The following GRIN2A variants were observed in gnomAD, a reference collection of about 807,000 sequenced individuals.
GRIN2A encodes the protein glutamate ionotropic receptor NMDA type subunit 2A.
A neutral mutation model predicts 113.4 loss-of-function variants in GRIN2A; 22 were observed. The ratio of observed to expected loss-of-function variants is 0.19; its 90% CI spans 0.14 to 0.28. GRIN2A has a LOEUF of 0.28. GRIN2A is among the 10% of genes least tolerant of loss of function. GRIN2A has a pLI of 1.00. For missense variants in GRIN2A, 1,502 were observed against 1,887.0 expected (o/e 0.80, Z 3.78); for synonymous variants, 827 against 738.4 (o/e 1.12, Z -1.94).
chr16:9,850,168 C>A (rs1019690033), intron 4 of GRIN2A, among the ~76,000 whole-genome samples: 1 of 152,182 alleles, frequency 6.6e-6, no homozygotes, highest in Admixed American at 6.5e-5. Flanking sequence ...CCGCCCTCAT[C>A]CCCAGAGGAA....
chr16:9,754,176 A>G lies in GRIN2A; in HGVS notation c.*8973T>C, dbSNP rs1273584951. ...ATATATATACTATACATAAACATAT[A>G]CACATAAACATTCTGGGGTGATATA... On this transcript the variant is annotated 3_prime_UTR_variant, in exon 13 of 13. Transcript: ENST00000330684. The G allele has an allele frequency of 1.1e-5, 2 of 187,264 alleles. No individual in the cohort carries two copies. 11.6% of individuals were successfully genotyped at this position (187,264 alleles called of 1,614,324 possible).
At chr16:9,904,138 C>T (rs968884060) in intron 3 of GRIN2A, among the ~76,000 whole-genome samples, 1 of 152,174 alleles carries the variant, frequency 6.6e-6, no homozygotes, top group East Asian at 1.9e-4. Context: ...GGGGTAAGGC[C>T]GCTGTTTTCA....
intron 2 of GRIN2A, among the ~76,000 whole-genome samples, chr16:10,083,951 A>C (rs574380421): frequency 6.6e-6 from 1 of 152,230 alleles, no homozygotes; most frequent in Admixed American, 6.5e-5. Flanking sequence ...AAAAATACAA[A>C]TATGAGCCAG....
At chr16:9,823,319 G>T (rs1029656559) in intron 9 of GRIN2A, among the ~76,000 whole-genome samples, 1 of 152,124 alleles carries the variant, frequency 6.6e-6, no homozygotes, top group African/African-American at 2.4e-5. Flanking sequence ...TGGAAAATTG[G>T]GTTCTATCAC....
chr16:9,806,244 C>T (rs1005477033), intron 10 of GRIN2A, among the ~76,000 whole-genome samples: 6 of 152,156 alleles, frequency 3.9e-5, no homozygotes, highest in Non-Finnish European at 8.8e-5. Context: ...TTTATAACTT[C>T]TGCCATTTTG....
At chr16:10,092,244 C>T (rs1473434312) in intron 2 of GRIN2A, among the ~76,000 whole-genome samples, 1 of 152,140 alleles carries the variant, frequency 6.6e-6, no homozygotes. Context: ...GGCATAAACA[C>T]CATAATTACA....
intron 4 of GRIN2A, among the ~76,000 whole-genome samples, chr16:9,885,628 G>A (rs917720175): frequency 3.9e-5 from 6 of 152,152 alleles, no homozygotes; most frequent in Admixed American, 1.3e-4. Context: ...GGCTGACCTC[G>A]GAGATGAAAA....
rs1900551696 is a variant in GRIN2A at position 9,760,821 on chromosome 16, T to A, written c.*2328A>T. On this transcript the variant is annotated 3_prime_UTR_variant, in exon 13 of 13. Transcript: ENST00000330684. ...TTCATGTCAAAACATCCCAGACTCA[T>A]GAGGAAATGGAGGCGATCCTTGCTG... 1 of 231,046 alleles carries A rather than the reference T, an allele frequency of 4.3e-6. No individual in the cohort carries two copies. Among genetic ancestry groups the A allele is most frequent in the East Asian group, 6.1e-5 (1 of 16,336 alleles). 14.3% of individuals were successfully genotyped at this position (231,046 alleles called of 1,614,324 possible).
chr16:9,888,050 T>A (rs1443900380), intron 4 of GRIN2A, among the ~76,000 whole-genome samples: 4 of 152,178 alleles, frequency 2.6e-5, no homozygotes, highest in African/African-American at 9.6e-5. Context: ...AAGTGATTCT[T>A]GTGCCTCAGC....
At chr16:10,137,969 G>A (rs970336436) in intron 2 of GRIN2A, among the ~76,000 whole-genome samples, 2 of 152,222 alleles carry the variant, frequency 1.3e-5, no homozygotes, top group Non-Finnish European at 2.9e-5. Context: ...TGGGATGACA[G>A]AAAGAACCTT....
chr16:9,960,215 C>T (rs572157168), intron 2 of GRIN2A, among the ~76,000 whole-genome samples: 1 of 152,262 alleles, frequency 6.6e-6, no homozygotes, highest in South Asian at 2.1e-4. Flanking sequence ...TGAATAAATA[C>T]TGAATGAACT....
chr16:9,918,498 A>G (rs1412339527), intron 3 of GRIN2A, among the ~76,000 whole-genome samples: 1 of 152,214 alleles, frequency 6.6e-6, no homozygotes, highest in Non-Finnish European at 1.5e-5. Flanking sequence ...ATTGTATATA[A>G]TATTTTCAGA....
At chr16:9,857,852 C>T (rs1321823535) in intron 4 of GRIN2A, among the ~76,000 whole-genome samples, 1 of 152,218 alleles carries the variant, frequency 6.6e-6, no homozygotes, top group African/African-American at 2.4e-5. Context: ...TTTCTCGATA[C>T]TAACTTTAGT....
At chr16:10,078,873 C>T (rs1013661795) in intron 2 of GRIN2A, among the ~76,000 whole-genome samples, 1 of 152,220 alleles carries the variant, frequency 6.6e-6, no homozygotes, top group Non-Finnish European at 1.5e-5. Context: ...TGACTGACTG[C>T]CTGCCACATC....
At chr16:10,133,391 T>C (rs1191665588) in intron 2 of GRIN2A, among the ~76,000 whole-genome samples, 1 of 152,180 alleles carries the variant, frequency 6.6e-6, no homozygotes, top group Non-Finnish European at 1.5e-5. Context: ...GTGGATCACC[T>C]GAGGTCAGGA....
At chr16:9,992,361 T>A (rs1286428620) in intron 2 of GRIN2A, among the ~76,000 whole-genome samples, 1 of 152,178 alleles carries the variant, frequency 6.6e-6, no homozygotes, top group African/African-American at 2.4e-5. Flanking sequence ...CATGTGAAGA[T>A]GGAACAGGGA....
intron 3 of GRIN2A, among the ~76,000 whole-genome samples, chr16:9,908,669 A>C (rs997444103): frequency 6.6e-6 from 1 of 152,202 alleles, no homozygotes; most frequent in African/African-American, 2.4e-5. Flanking sequence ...TACACTTGAT[A>C]ATGAAACAAA....
intron 2 of GRIN2A, among the ~76,000 whole-genome samples, chr16:10,064,307 C>T (rs894880798): frequency 6.6e-6 from 1 of 152,162 alleles, no homozygotes; most frequent in Non-Finnish European, 1.5e-5. Flanking sequence ...GTCCCAGGCA[C>T]CTCACTTCGT....
chr16:10,144,852 C>T lies in GRIN2A; in HGVS notation c.414+35146G>A, dbSNP rs540632343. ...GGGAGAATTGCTTGTACCCAGGAGG[C>T]GGAGACTGCAGTGAGCTGAGATCGT... is the stretch of plus-strand genomic sequence containing the variant. On this transcript the variant is annotated intron_variant, in intron 2 of 12. Transcript: ENST00000330684. 8.5e-5 allele frequency among the ~76,000 whole-genome samples: 11 copies of T among 129,608 alleles called. No homozygotes were observed. The East Asian group carries it at 1.2e-3, about 15-fold the overall frequency. The allele number at this position is 129,608 out of a possible 152,430, so 85.0% of individuals were successfully genotyped here. A position where few individuals can be genotyped will look rare whatever the true frequency, so the allele number is the denominator to read the frequency against.
Sources: allele counts gnomAD v4.1 joint callset (sites outside exome capture counted in the v4.1 genomes callset), GRCh38; gene constraint gnomAD v4.1.1; transcripts MANE v1.5; gene names NCBI Gene and HGNC (gene_info 2026-07-23, HGNC 2026-07-21).